TRIM67: variants seen among roughly 807,000 people sequenced by gnomAD.
The protein encoded by TRIM67 is tripartite motif containing 67.
TRIM67 carries 39 observed loss-of-function variants against 71.0 expected under a neutral mutation model. That is an observed-to-expected ratio of 0.55 (90% CI 0.43 to 0.72). The LOEUF (loss-of-function observed/expected upper bound fraction) is 0.72, where lower values mean the gene tolerates loss of function less well. Ranked by LOEUF, TRIM67 falls within the 30% of genes least tolerant of loss-of-function variation. The pLI, the probability that TRIM67 is intolerant of heterozygous loss-of-function variation, is 0.00. For synonymous variants in TRIM67, 481 were observed against 473.9 expected, an observed-to-expected ratio of 1.01 and a Z score of -0.19; for missense variants, 973 against 1,079.2, an observed-to-expected ratio of 0.90 and a Z score of 1.38.
intron 1 of TRIM67, among the ~76,000 whole-genome samples, chr1:231,187,249 C>T (rs1683107161): frequency 6.6e-6 from 1 of 152,094 alleles, no homozygotes; most frequent in African/African-American, 2.4e-5. Flanking sequence ...GCCCCAGGCT[C>T]CCCAAGTGGG....
chr1:231,218,638 A>G lies in TRIM67; in HGVS notation c.*3198A>G. 1.0e-6 allele frequency: 1 copy of G among 985,462 alleles called. No individual in the cohort carries two copies. The highest frequency in any genetic ancestry group is 1.2e-6 in the Non-Finnish European group (1 of 829,952). The allele number at this position is 985,462 out of a possible 1,614,324, so 61.0% of individuals were successfully genotyped here. A position where few individuals can be genotyped will look rare whatever the true frequency, so the allele number is the denominator to read the frequency against. Reference sequence around the variant, plus strand: ...AATAATGATTCCAATTAAAGAGGACACCAGTAATACTGACCCACAAGGTAA... The same window carrying G: ...AATAATGATTCCAATTAAAGAGGACGCCAGTAATACTGACCCACAAGGTAA... On this transcript the variant is annotated 3_prime_UTR_variant, in exon 10 of 10. Transcript: ENST00000366653.
rs778722902 is a variant in TRIM67, at chr1:231,203,877, C to T, written c.1545C>T (p.Val515=). The change falls in exon 6 of 10, where the codon GTC becomes GTT. Residue 515 remains valine, a synonymous_variant. Coordinates refer to ENST00000366653, the MANE Select transcript of TRIM67 (RefSeq NM_001004342.5). ...GTGTCCCCCTCGCAGTGCCACCCGT[C>T]CCCCTACTGCAGCTGGAGAAATGCT... ...FIQMKCRVPP[V]PLLQLEKCCT... The T allele has an allele frequency of 7.4e-6, 12 of 1,613,378 alleles. No homozygotes were observed. Among genetic ancestry groups the T allele is most frequent in the Admixed American group, 1.7e-5 (1 of 59,994 alleles).
chr1:231,220,172 C>G lies in TRIM67; in HGVS notation c.*4732C>G, dbSNP rs6541262. The G allele has an allele frequency of 0.37, 136,881 of 371,670 alleles. 25,647 individuals are homozygous for G. Among genetic ancestry groups the G allele is most frequent in the Admixed American group, 0.44 (12,187 of 27,720 alleles). The allele number at this position is 371,670 out of a possible 1,614,324, so 23.0% of individuals were successfully genotyped here. ...TTCAGTGACTCAAACCTGTGGGGGG[C>G]GTTCCAGTGTTCTCTGACCAGTGTC... On this transcript the variant is annotated 3_prime_UTR_variant, in exon 10 of 10. Coordinates refer to ENST00000366653, the MANE Select transcript of TRIM67 (RefSeq NM_001004342.5).
chr1:231,194,842 C>T (rs556473812), intron 1 of TRIM67, among the ~76,000 whole-genome samples: 3 of 152,130 alleles, frequency 2.0e-5, no homozygotes, highest in South Asian at 4.2e-4. Context: ...ACCACCATGC[C>T]CAGCTAATTT....
chr1:231,192,048 C>A (rs1571887149), intron 1 of TRIM67, among the ~76,000 whole-genome samples: 1 of 152,246 alleles, frequency 6.6e-6, no homozygotes, highest in Non-Finnish European at 1.5e-5. Context: ...GTGGCTCAGG[C>A]CTGTAATCCC....
intron 1 of TRIM67, among the ~76,000 whole-genome samples, chr1:231,192,904 C>T (rs950617069): frequency 3.3e-5 from 5 of 152,254 alleles, no homozygotes; most frequent in Non-Finnish European, 7.3e-5. Context: ...CATTAGCCTG[C>T]GGTCACGGGT....
At chr1:231,173,863 A>G (rs1252516806) in intron 1 of TRIM67, among the ~76,000 whole-genome samples, 2 of 152,192 alleles carry the variant, frequency 1.3e-5, no homozygotes, top group Non-Finnish European at 2.9e-5. Context: ...AGTTTGGGCC[A>G]TAAATATGGG....
Position 231,219,413 on chromosome 1 carries a change from C to T in TRIM67, c.*3973C>T, listed in dbSNP as rs1439991955. Reference sequence around the variant, plus strand: ...GATCTGTAGAGGGACTGTGGCGCTCCGGCTGCTTTGTTCCATAGAAAGCCT... The same window carrying T: ...GATCTGTAGAGGGACTGTGGCGCTCTGGCTGCTTTGTTCCATAGAAAGCCT... On this transcript the variant is annotated 3_prime_UTR_variant, in exon 10 of 10. Transcript: ENST00000366653. 7.9e-6 allele frequency: 8 copies of T among 1,013,022 alleles called. No homozygotes were observed. The highest frequency in any genetic ancestry group is 1.0e-4 in the East Asian group (1 of 9,884). 62.8% of individuals were successfully genotyped at this position (1,013,022 alleles called of 1,614,324 possible).
rs117065429 is a variant in TRIM67, at chr1:231,163,986, G to C, written c.1017G>C (p.Pro339=). Residue 339 remains proline (P), a synonymous_variant, in exon 1 of 10, where the codon CCG becomes CCC. Transcript: ENST00000366653. The stretch of plus-strand genomic sequence containing the variant: ...GGCACGCCAAGCACGAGGTGAAGCC[G>C]CTGGGGGCCATGTGGAAGCAGCACA... The part of the protein sequence containing the change: ...EGRHAKHEVK[P]LGAMWKQHKA... The C allele has an allele frequency of 2.9e-5, 45 of 1,576,268 alleles. No homozygotes were observed. In the East Asian group the frequency reaches 8.8e-4, roughly 31 times the overall value.
At position 231,163,738 on chromosome 1, in the gene TRIM67, C is replaced by CCGT; in HGVS notation, c.771_772insTCG (p.Pro257_Pro258insSer). The CCGT allele has an allele frequency of 2.0e-6, 3 of 1,491,822 alleles. No individual in the cohort carries two copies. The allele number at this position is 1,491,822 out of a possible 1,614,324, so 92.4% of individuals were successfully genotyped here. A position where few individuals can be genotyped will look rare whatever the true frequency, so the allele number is the denominator to read the frequency against. ...TCGCCTGGTGCAGCCGCCGCCGCCG[C>CCGT]CGCCGCCGCCCGCCGAGGCAGCCTC... is the stretch of plus-strand genomic sequence containing the variant. On this transcript the variant is annotated inframe_insertion, in exon 1 of 10. Transcript: ENST00000366653.
intron 8 of TRIM67, among the ~76,000 whole-genome samples, chr1:231,210,374 A>T (rs1683833424): frequency 6.6e-6 from 1 of 151,938 alleles, no homozygotes; most frequent in Non-Finnish European, 1.5e-5. Context: ...CAGGGAAGCC[A>T]CGTCTAATCT....
Position 231,170,070 on chromosome 1 carries a change from T to C in TRIM67, c.1044+6057T>C, listed in dbSNP as rs190026046. Among the ~76,000 whole-genome samples, 404 of 150,076 alleles carry C rather than the reference T, an allele frequency of 2.7e-3. 1 individual carries two copies. Among genetic ancestry groups the C allele is most frequent in the African/African-American group, 9.1e-3 (371 of 40,552 alleles). ...GGTGCAATCTCGGCTCACTGCAACC[T>C]CCGCCTCCTGGGTTCAAGAGATTCT... On this transcript the variant is annotated intron_variant, in intron 1 of 9. Coordinates refer to ENST00000366653, the MANE Select transcript of TRIM67 (RefSeq NM_001004342.5).
intron 5 of TRIM67, among the ~76,000 whole-genome samples, chr1:231,202,239 G>GT (rs1558304240): frequency 2.6e-4 from 2 of 7,592 alleles, no homozygotes; most frequent in Non-Finnish European, 6.4e-4. Flanking sequence ...AGGAGAGGAG[G>GT]GGGGGTAGTG....
intron 1 of TRIM67, among the ~76,000 whole-genome samples, chr1:231,185,423 G>A (rs976195540): frequency 1.2e-4 from 18 of 151,764 alleles, no homozygotes; most frequent in South Asian, 8.3e-4. Flanking sequence ...CCACCACGGC[G>A]GGACCCCCAG....
chr1:231,197,583 T>C (rs1683401744), intron 2 of TRIM67, 117 bp downstream of exon 2: 4 of 881,138 alleles, frequency 4.5e-6, no homozygotes, highest in African/African-American at 1.7e-5. Context: ...CCCAACACTT[T>C]GGGAGGCCGA....
At chr1:231,173,807 G>C (rs992619332) in intron 1 of TRIM67, among the ~76,000 whole-genome samples, 1 of 152,154 alleles carries the variant, frequency 6.6e-6, no homozygotes, top group Non-Finnish European at 1.5e-5. Flanking sequence ...TGGATAGTAG[G>C]GGGACAAGAG....
intron 1 of TRIM67, among the ~76,000 whole-genome samples, chr1:231,195,164 C>G (rs1178681892): frequency 5.3e-5 from 8 of 152,206 alleles, no homozygotes; most frequent in Admixed American, 1.3e-4. Context: ...AATCACGAGG[C>G]CTTTCCCAGG....
At chr1:231,204,100 C>A in intron 6 of TRIM67, 88 bp downstream of exon 6, 3 of 1,554,266 alleles carry the variant, frequency 1.9e-6, no homozygotes, top group Non-Finnish European at 1.7e-6. Flanking sequence ...CTGGTTCAGC[C>A]CATGGGGACA....
intron 8 of TRIM67, 137 bp from the exon 9 acceptor site, chr1:231,213,678 C>T (rs1179862322): frequency 1.4e-5 from 15 of 1,069,334 alleles, no homozygotes; most frequent in Non-Finnish European, 1.9e-5. Context: ...CTGTTGTGCA[C>T]CGAGATGGCG....
Sources: allele counts gnomAD v4.1 joint callset (sites outside exome capture counted in the v4.1 genomes callset), GRCh38; gene constraint gnomAD v4.1.1; transcripts MANE v1.5; gene names NCBI Gene and HGNC (gene_info 2026-07-23, HGNC 2026-07-21).